Variants in SNX29 observed in about 807,000 individuals in gnomAD.
The protein encoded by SNX29 is sorting nexin 29, also known as sorting nexin-29.
Under a neutral mutation model 102.1 loss-of-function variants are expected in SNX29, and 78 were observed. That is an observed-to-expected ratio of 0.76 (90% CI 0.64 to 0.92). The LOEUF (loss-of-function observed/expected upper bound fraction) is 0.92, where lower values mean the gene tolerates loss of function less well. Ranked by LOEUF, SNX29 falls within the 40% of genes least tolerant of loss-of-function variation. The pLI is 0.00. For missense variants in SNX29, 1,280 were observed against 1,061.7 expected (o/e 1.21, Z -2.86); for synonymous variants, 580 against 414.5 (o/e 1.40, Z -4.85).
intron 18 of SNX29, among the ~76,000 whole-genome samples, chr16:12,437,579 C>A (rs891452247): frequency 6.6e-6 from 1 of 152,144 alleles, no homozygotes. Flanking sequence ...TCTCTGTCTC[C>A]CCGAATTGCT....
chr16:12,089,128 AGAG>A (rs1282792952), intron 11 of SNX29, among the ~76,000 whole-genome samples: 1 of 89,064 alleles, frequency 1.1e-5, no homozygotes, highest in Non-Finnish European at 2.4e-5. Flanking sequence ...GAGAGAGAAA[AGAG>A]AGAGAGAGAG....
At chr16:12,218,863 C>T (rs898140627) in intron 14 of SNX29, among the ~76,000 whole-genome samples, 5 of 152,172 alleles carry the variant, frequency 3.3e-5, no homozygotes, top group African/African-American at 9.7e-5. Flanking sequence ...CAAGCTCCAC[C>T]TGCCGGGTTC....
At chr16:12,194,571 T>C (rs1233877628) in intron 13 of SNX29, among the ~76,000 whole-genome samples, 2 of 151,770 alleles carry the variant, frequency 1.3e-5, no homozygotes, top group Non-Finnish European at 2.9e-5. Context: ...AGGAAAATAT[T>C]CAGCCTTTAA....
chr16:12,570,457 G>A lies in SNX29; in HGVS notation c.*1828G>A, dbSNP rs1351089207. 1 of 237,578 alleles carries A rather than the reference G, an allele frequency of 4.2e-6. No homozygotes were observed. The highest frequency in any genetic ancestry group is 2.2e-5 in the African/African-American group (1 of 45,390). The allele number at this position is 237,578 out of a possible 1,614,324, so 14.7% of individuals were successfully genotyped here. A position where few individuals can be genotyped will look rare whatever the true frequency, so the allele number is the denominator to read the frequency against. ...AGAGAGCCCTAATGGACTGAGGCAGGAAACGTCTAAAAGCTCAATCTGCTG... is the reference window on the plus strand; with the variant it reads ...AGAGAGCCCTAATGGACTGAGGCAGAAAACGTCTAAAAGCTCAATCTGCTG... On this transcript the variant is annotated 3_prime_UTR_variant, in exon 21 of 21. Coordinates refer to ENST00000566228, the MANE Select transcript of SNX29 (RefSeq NM_032167.5).
intron 13 of SNX29, among the ~76,000 whole-genome samples, chr16:12,187,954 A>G (rs2076551637): frequency 6.6e-6 from 1 of 152,170 alleles, no homozygotes; most frequent in Non-Finnish European, 1.5e-5. Flanking sequence ...TGAATCCACC[A>G]TGCCCTAGGA....
intron 20 of SNX29, among the ~76,000 whole-genome samples, chr16:12,529,916 C>T (rs144053211): frequency 1.4e-4 from 21 of 152,132 alleles, no homozygotes; most frequent in Non-Finnish European, 2.9e-4. Flanking sequence ...CTTCCAGACT[C>T]CAAAGTCCTC....
rs376804586 is a variant in SNX29 at position 12,356,238 on chromosome 16, G to C, written c.1858G>C (p.Val620Leu). 1.9e-5 allele frequency: 30 copies of C among 1,612,612 alleles called. No individual in the cohort carries two copies. Among genetic ancestry groups the C allele is most frequent in the Admixed American group, 1.0e-4 (6 of 59,884 alleles). The change falls in exon 16 of 21, where the codon GTG becomes CTG. Residue 620 changes from valine (V) to leucine (L), a missense_variant. Transcript: ENST00000566228. ...GGCCCTGGTAGCCAAGGAAGCCCTC[G>C]TGTCCCAGATGAGGCAGGAGCTCAT... ...HRALVAKEAL[V>L]SQMRQELIDL...
chr16:12,067,032 T>C (rs188384950), intron 9 of SNX29, among the ~76,000 whole-genome samples: 17 of 138,964 alleles, frequency 1.2e-4, no homozygotes, highest in African/African-American at 3.8e-4. Flanking sequence ...AATAAATAAA[T>C]AAGCAGGCCA....
At chr16:12,126,387 G>A (rs2054215561) in intron 11 of SNX29, among the ~76,000 whole-genome samples, 1 of 152,188 alleles carries the variant, frequency 6.6e-6, no homozygotes, top group Non-Finnish European at 1.5e-5. Flanking sequence ...GCTCAGAGGG[G>A]GTTGCTAACT....
intron 13 of SNX29, among the ~76,000 whole-genome samples, chr16:12,138,935 G>T (rs2054763460): frequency 1.3e-5 from 2 of 152,064 alleles, no homozygotes; most frequent in Admixed American, 1.3e-4. Flanking sequence ...AGGCACGGTG[G>T]CTCACGCCTG....
At chr16:12,505,244 T>G (rs1216581663) in intron 19 of SNX29, among the ~76,000 whole-genome samples, 1 of 152,246 alleles carries the variant, frequency 6.6e-6, no homozygotes, top group African/African-American at 2.4e-5. Flanking sequence ...TTCAGGCTGC[T>G]GTGAGAGAAT....
In SNX29 at chr16:12,572,486, G is replaced by A; in HGVS notation, c.*3857G>A. 1.3e-5 allele frequency: 14 copies of A among 1,063,994 alleles called. No individual in the cohort carries two copies. The highest frequency in any genetic ancestry group is 9.1e-5 in the South Asian group (2 of 21,972). 65.9% of individuals were successfully genotyped at this position (1,063,994 alleles called of 1,614,324 possible). ...GCCAACCCTGAGGACCAGTTCTTGG[G>A]GTTCCAGGCCTCGGCCTTCCTGCTC... is the stretch of plus-strand genomic sequence containing the variant. On this transcript the variant is annotated 3_prime_UTR_variant, in exon 21 of 21. Transcript: ENST00000566228.
chr16:12,415,718 T>C (rs1156515811), intron 18 of SNX29, among the ~76,000 whole-genome samples: 1 of 152,168 alleles, frequency 6.6e-6, no homozygotes, highest in Non-Finnish European at 1.5e-5. Flanking sequence ...GACAGGTAGA[T>C]GGACTCTCCT....
intron 18 of SNX29, 124 bp from the exon 19 acceptor site, chr16:12,477,595 C>G (rs1450521895): frequency 5.3e-6 from 6 of 1,124,410 alleles, no homozygotes; most frequent in Non-Finnish European, 6.4e-6. Flanking sequence ...AACTGGGCAT[C>G]CAGTGGTGTG....
Position 12,300,366 on chromosome 16 carries a change from C to T in SNX29, c.1782+22330C>T, listed in dbSNP as rs973440311. Among the ~76,000 whole-genome samples, 5 of 152,166 alleles carry T rather than the reference C, an allele frequency of 3.3e-5. No homozygotes were observed. The East Asian group carries it at 5.8e-4, about 18-fold the overall frequency. ...TGTCCCCATAATGCCTTGGAGACAG[C>T]GCTCTGATAGCATCGATCATCAGTG... is the stretch of plus-strand genomic sequence containing the variant. On this transcript the variant is annotated intron_variant, in intron 15 of 20. Coordinates refer to ENST00000566228, the MANE Select transcript of SNX29 (RefSeq NM_032167.5).
At chr16:12,346,618 C>G (rs1367165994) in intron 15 of SNX29, among the ~76,000 whole-genome samples, 1 of 152,228 alleles carries the variant, frequency 6.6e-6, no homozygotes, top group African/African-American at 2.4e-5. Context: ...AAGACCCTCA[C>G]AGCTGCATGA....
intron 13 of SNX29, among the ~76,000 whole-genome samples, chr16:12,165,739 T>C (rs1333543140): frequency 2.6e-5 from 4 of 152,222 alleles, no homozygotes; most frequent in Admixed American, 6.5e-5. Flanking sequence ...AATTTTTGTG[T>C]GTTCAGTGGA....
chr16:12,194,606 G>A (rs1375714598), intron 13 of SNX29, among the ~76,000 whole-genome samples: 1 of 145,354 alleles, frequency 6.9e-6, no homozygotes, highest in Non-Finnish European at 1.5e-5. Context: ...GTTACTATAG[G>A]ATTTGGGGGT....
chr16:12,166,012 G>T (rs2056005133), intron 13 of SNX29, among the ~76,000 whole-genome samples: 1 of 152,228 alleles, frequency 6.6e-6, no homozygotes, highest in Non-Finnish European at 1.5e-5. Flanking sequence ...GTTGTTTGAA[G>T]TCCTTATCCT....
Sources: allele counts gnomAD v4.1 joint callset (sites outside exome capture counted in the v4.1 genomes callset), GRCh38; gene constraint gnomAD v4.1.1; transcripts MANE v1.5; gene names NCBI Gene and HGNC (gene_info 2026-07-23, HGNC 2026-07-21).